SDC3: variants seen among roughly 807,000 people sequenced by gnomAD.
The protein encoded by SDC3 is syndecan 3.
A neutral mutation model predicts 24.4 loss-of-function variants in SDC3; 13 were observed. That is an observed-to-expected ratio of 0.53 (90% CI 0.35 to 0.85). The LOEUF is 0.85. Ranked by LOEUF, SDC3 falls within the 40% of genes least tolerant of loss-of-function variation. SDC3 has a pLI of 0.01. For synonymous variants in SDC3, 295 were observed against 260.9 expected, an observed-to-expected ratio of 1.13 and a Z score of -1.26; for missense variants, 571 against 584.5, an observed-to-expected ratio of 0.98 and a Z score of 0.24.
intron 2 of SDC3, 76 bp from the exon 3 acceptor site, chr1:30,877,241 T>C (rs1264150486): frequency 1.9e-6 from 3 of 1,584,426 alleles, no homozygotes; most frequent in East Asian, 2.3e-5. Flanking sequence ...AGGTAAGCAA[T>C]GGCCATCAAG....
intron 1 of SDC3, among the ~76,000 whole-genome samples, chr1:30,905,445 T>TC (rs1226565601): frequency 7.0e-6 from 1 of 142,304 alleles, no homozygotes; most frequent in Non-Finnish European, 1.5e-5. Context: ...GTACAGCAAC[T>TC]TTGTAAAAGA....
intron 1 of SDC3, chr1:30,881,378 G>C (rs143328262): frequency 6.6e-6 from 1 of 152,030 alleles, no homozygotes; most frequent in Non-Finnish European, 1.5e-5. Context: ...CCCACAACAC[G>C]GACCCACCGC....
rs1001203286 is a variant in SDC3, at chr1:30,869,548, A to C, written c.*3663T>G. 18 of 397,560 alleles carry C rather than the reference A, an allele frequency of 4.5e-5. No individual in the cohort carries two copies. Among genetic ancestry groups the C allele is most frequent in the Admixed American group, 1.8e-4 (4 of 22,634 alleles). 24.6% of individuals were successfully genotyped at this position (397,560 alleles called of 1,614,324 possible). A position where few individuals can be genotyped will look rare whatever the true frequency, so the allele number is the denominator to read the frequency against. On this transcript the variant is annotated 3_prime_UTR_variant, in exon 5 of 5. Coordinates refer to ENST00000339394, the MANE Select transcript of SDC3 (RefSeq NM_014654.4). ...AAAAACAAACAAACAAAAAAAAAAA[A>C]AAAAAAAAAAAAACAAAAACAAAAC...
At position 30,878,608 on chromosome 1, in the gene SDC3, G is replaced by A. The variant is rs1639688441; in HGVS notation, c.256+15C>T. ...GTCACTGCCCCCAGGCAGAGGTAGG[G>A]AGGGGGGTACTTACAGCCCGAGCCC... On this transcript the variant is annotated intron_variant, in intron 2 of 4. Transcript: ENST00000339394. 4 of 1,587,500 alleles carry A rather than the reference G, an allele frequency of 2.5e-6. No individual in the cohort carries two copies. The highest frequency in any genetic ancestry group is 3.5e-6 in the Non-Finnish European group (4 of 1,155,418).
intron 1 of SDC3, among the ~76,000 whole-genome samples, chr1:30,898,422 C>A (rs1638329447): frequency 6.6e-6 from 1 of 152,164 alleles, no homozygotes; most frequent in Non-Finnish European, 1.5e-5. Flanking sequence ...CCAAGCTGAG[C>A]CCCCTGGGGG....
intron 2 of SDC3, 75 bp downstream of exon 2, chr1:30,878,548 G>T (rs765298675): frequency 8.1e-7 from 1 of 1,239,060 alleles, no homozygotes. Flanking sequence ...CAAGCCCCCC[G>T]TGGGCTTCTC....
chr1:30,884,110 C>A (rs1639789240), intron 1 of SDC3, among the ~76,000 whole-genome samples: 1 of 152,032 alleles, frequency 6.6e-6, no homozygotes, highest in Non-Finnish European at 1.5e-5. Flanking sequence ...CCACAGCTGC[C>A]CTGGCCAGGA....
chr1:30,904,707 G>C (rs1217689019), intron 1 of SDC3, among the ~76,000 whole-genome samples: 4 of 152,196 alleles, frequency 2.6e-5, no homozygotes, highest in African/African-American at 7.2e-5. Flanking sequence ...AGGTAAGAAA[G>C]CTGAGGGTCA....
intron 3 of SDC3, among the ~76,000 whole-genome samples, chr1:30,875,737 C>A (rs1427701924): frequency 1.3e-5 from 2 of 152,200 alleles, no homozygotes; most frequent in Non-Finnish European, 2.9e-5. Flanking sequence ...AGCCCTGGCC[C>A]TGCGAGACTG....
At position 30,877,161 on chromosome 1, in the gene SDC3, G is replaced by A. The variant is rs373481996; in HGVS notation, c.261C>T (p.Phe87=). Residue 87 remains phenylalanine (F), a synonymous_variant, in exon 3 of 5, where the codon TTC becomes TTT. Coordinates refer to ENST00000339394, the MANE Select transcript of SDC3 (RefSeq NM_014654.4). ...CTGTCTCAATGCCCGACTCCTGCTC[G>A]AAGTCTGAGGGGGTGGGGGAGAGGG... ...DLYSGSGSGY[F]EQESGIETAM... 40 of 1,613,690 alleles carry A rather than the reference G, an allele frequency of 2.5e-5. No homozygotes were observed. The Middle Eastern group carries it at 1.3e-3, about 53-fold the overall frequency.
At chr1:30,878,453 G>A in intron 2 of SDC3, 170 bp downstream of exon 2, 1 of 595,170 alleles carries the variant, frequency 1.7e-6, no homozygotes, top group Non-Finnish European at 3.0e-6. Context: ...TCCCCAGAAG[G>A]ATGTTCTGCC....
chr1:30,908,036 G>A (rs1638563032), intron 1 of SDC3, among the ~76,000 whole-genome samples: 1 of 152,176 alleles, frequency 6.6e-6, no homozygotes, highest in African/African-American at 2.4e-5. Context: ...GGTCCTTCTC[G>A]CGCCTCCCAG....
chr1:30,886,849 G>T (rs1030841869), intron 1 of SDC3, among the ~76,000 whole-genome samples: 2 of 152,190 alleles, frequency 1.3e-5, no homozygotes, highest in African/African-American at 4.8e-5. Flanking sequence ...CACTTGACCA[G>T]AAAGGGATTG....
intron 1 of SDC3, among the ~76,000 whole-genome samples, chr1:30,902,774 C>T (rs1357012815): frequency 6.6e-6 from 1 of 152,186 alleles, no homozygotes; most frequent in Non-Finnish European, 1.5e-5. Flanking sequence ...ACTGAAGGCC[C>T]GCCCGATGCA....
Position 30,894,547 on chromosome 1 carries a change from AGT to A in SDC3, c.138+13900_138+13901del, listed in dbSNP as rs1333328191. ...GAGTGGGTGAGAGTGTGCGTGGATG[AGT>A]GTGTGTGGGTGAGAGTGTGTGGGTG... is the stretch of plus-strand genomic sequence containing the variant. On this transcript the variant is annotated intron_variant, in intron 1 of 4. Transcript: ENST00000339394. Among the ~76,000 whole-genome samples the A allele has an allele frequency of 6.4e-5, 6 of 94,398 alleles. No homozygotes were observed. The East Asian group carries it at 1.1e-3, about 17-fold the overall frequency. The allele number at this position is 94,398 out of a possible 152,430, so 61.9% of individuals were successfully genotyped here.
chr1:30,877,148 C>T lies in SDC3; in HGVS notation c.274G>A (p.Gly92Ser), dbSNP rs1639659258. 5.0e-6 allele frequency: 8 copies of T among 1,613,894 alleles called. No homozygotes were observed. The highest frequency in any genetic ancestry group is 6.8e-6 in the Non-Finnish European group (8 of 1,179,976). The part of the protein sequence containing the change: ...SGSGYFEQES[G>S]IETAMRFSPD... ...CTGAAGCGCATGGCTGTCTCAATGC[C>T]CGACTCCTGCTCGAAGTCTGAGGGG... Residue 92 changes from glycine to serine, a missense_variant, in exon 3 of 5, where the codon GGC becomes AGC. Gly to Ser is a moderately conservative substitution (Grantham distance 56). Transcript: ENST00000339394.
At chr1:30,894,375 GGTGA>G (rs753707193) in intron 1 of SDC3, among the ~76,000 whole-genome samples, 22 of 110,004 alleles carry the variant, frequency 2.0e-4, no homozygotes, top group Non-Finnish European at 3.5e-4. Flanking sequence ...TGTGTGTGTG[GGTGA>G]GAGTGTGAGT....
At chr1:30,878,489 A>G in intron 2 of SDC3, 134 bp downstream of exon 2, 1 of 680,310 alleles carries the variant, frequency 1.5e-6, no homozygotes, top group Non-Finnish European at 2.6e-6. Context: ...ATCCAGAGCA[A>G]GAAGAACTTG....
chr1:30,902,166 C>T (rs527513964), intron 1 of SDC3, among the ~76,000 whole-genome samples: 1 of 152,324 alleles, frequency 6.6e-6, no homozygotes, highest in South Asian at 2.1e-4. Context: ...CCCTCTCCAC[C>T]TGGTATAAAA....
Sources: gnomAD v4.1 joint callset for allele counts (sites outside exome capture counted in the v4.1 genomes callset) on GRCh38, gnomAD v4.1.1 for gene constraint, MANE v1.5 for transcripts, NCBI Gene and HGNC (gene_info 2026-07-23, HGNC 2026-07-21) for gene names.